The following CHST8 variants were observed in gnomAD, a reference collection of about 807,000 sequenced individuals.
CHST8 encodes GALNAC-4-ST1.
In CHST8, 10 loss-of-function variants were observed where a neutral mutation model predicts 15.0. The observed-to-expected ratio is 0.67, with a 90% confidence interval of 0.41 to 1.13. The LOEUF is 1.13. Ranked by LOEUF, CHST8 falls within the 50% of genes most tolerant of loss-of-function variation. The pLI, the probability that CHST8 is intolerant of heterozygous loss-of-function variation, is 0.00. For synonymous variants in CHST8, 259 were observed against 256.6 expected (o/e 1.01, Z -0.09); for missense variants, 634 against 608.2 (o/e 1.04, Z -0.45).
intron 3 of CHST8, among the ~76,000 whole-genome samples, chr19:33,706,393 A>G (rs2145286639): frequency 6.6e-6 from 1 of 152,264 alleles, no homozygotes; most frequent in East Asian, 1.9e-4. Flanking sequence ...CTAGCTGTGT[A>G]CAAGTATGTG....
At chr19:33,765,092 T>C (rs1974807677) in intron 3 of CHST8, among the ~76,000 whole-genome samples, 1 of 107,522 alleles carries the variant, frequency 9.3e-6, no homozygotes, top group Admixed American at 9.2e-5. Flanking sequence ...CTTTATCCAC[T>C]CGTTGATTGA....
intron 3 of CHST8, among the ~76,000 whole-genome samples, chr19:33,766,007 G>A (rs1239151104): frequency 6.6e-6 from 1 of 151,994 alleles, no homozygotes; most frequent in Non-Finnish European, 1.5e-5. Flanking sequence ...AGGGAGTCTC[G>A]GACCTCCTTC....
chr19:33,754,818 T>C (rs1229441887), intron 3 of CHST8, among the ~76,000 whole-genome samples: 1 of 152,212 alleles, frequency 6.6e-6, no homozygotes, highest in Non-Finnish European at 1.5e-5. Context: ...GCAAATCTGT[T>C]GTGGATGTGA....
intron 2 of CHST8, among the ~76,000 whole-genome samples, chr19:33,669,459 T>A (rs754458478): frequency 3.9e-5 from 6 of 152,192 alleles, no homozygotes; most frequent in African/African-American, 7.2e-5. Flanking sequence ...CCTTAAATAA[T>A]GTTGGATCAA....
At position 33,682,092 on chromosome 19, in the gene CHST8, T is replaced by A. The variant is rs193000320; in HGVS notation, c.-86-7084T>A. Among the ~76,000 whole-genome samples the A allele has an allele frequency of 5.7e-4, 86 of 151,772 alleles. No homozygotes were observed. The South Asian group carries it at 0.01, about 18-fold the overall frequency. On this transcript the variant is annotated intron_variant, in intron 2 of 4. Transcript: ENST00000650847. ...CTTGTCTTGAACTCCTGACCTCAGG[T>A]GATCCACCCGCCTTGGCCTCCCAAA...
At position 33,632,747 on chromosome 19, in the gene CHST8, TTGTGTG is replaced by T. The variant is rs10589446; in HGVS notation, c.-164+10471_-164+10476del. On this transcript the variant is annotated intron_variant, in intron 1 of 4. Transcript: ENST00000650847. ...TTCTAACGATATGGATTGGTTTTCCTTGTGTGTGTGTGTGTGTGTGTGTGTATGTGT... is the reference window on the plus strand; with the variant it reads ...TTCTAACGATATGGATTGGTTTTCCTTGTGTGTGTGTGTGTGTGTATGTGT... Among the ~76,000 whole-genome samples the T allele has an allele frequency of 5.8e-4, 87 of 149,694 alleles. 1 individual carries two copies. The highest frequency in any genetic ancestry group is 3.4e-3 in the Middle Eastern group (1 of 294).
In CHST8 at chr19:33,645,218, C is replaced by T. The variant is rs1222926889; in HGVS notation, c.-163-22549C>T. On this transcript the variant is annotated intron_variant, in intron 1 of 4. Transcript: ENST00000650847. ...AAGTCAGGAGTTGGGGGACAGGGCC[C>T]GCTGGAGATGAGGCCGTGTGGGGGC... is the stretch of plus-strand genomic sequence containing the variant. Among the ~76,000 whole-genome samples, 6 of 152,022 alleles carry T rather than the reference C, an allele frequency of 3.9e-5. 1 individual carries two copies. The highest frequency in any genetic ancestry group is 4.1e-4 in the South Asian group (2 of 4,824).
At chr19:33,686,861 A>C (rs531072378) in intron 2 of CHST8, among the ~76,000 whole-genome samples, 1 of 152,274 alleles carries the variant, frequency 6.6e-6, no homozygotes, top group South Asian at 2.1e-4. Context: ...ATGTATGCAT[A>C]TGTGTGTTAT....
At chr19:33,643,691 C>A (rs1972313496) in intron 1 of CHST8, among the ~76,000 whole-genome samples, 1 of 152,174 alleles carries the variant, frequency 6.6e-6, no homozygotes, top group Non-Finnish European at 1.5e-5. Flanking sequence ...GTCCCAGCAC[C>A]CACGATTTTA....
At chr19:33,716,249 G>A (rs953446928) in intron 3 of CHST8, among the ~76,000 whole-genome samples, 10 of 152,078 alleles carry the variant, frequency 6.6e-5, no homozygotes, top group Admixed American at 2.0e-4. Context: ...TGTTTCCTCT[G>A]ATGTCATCTT....
chr19:33,724,545 C>A (rs1340432021), intron 3 of CHST8, among the ~76,000 whole-genome samples: 1 of 152,236 alleles, frequency 6.6e-6, no homozygotes, highest in Non-Finnish European at 1.5e-5. Context: ...TGTGCGTCTG[C>A]AGCCTGGAGG....
At chr19:33,710,030 G>C (rs1973518475) in intron 3 of CHST8, among the ~76,000 whole-genome samples, 1 of 152,048 alleles carries the variant, frequency 6.6e-6, no homozygotes, top group Non-Finnish European at 1.5e-5. Context: ...TTCTATTCAG[G>C]TTTTCTATTT....
At chr19:33,659,688 A>C (rs926071123) in intron 1 of CHST8, among the ~76,000 whole-genome samples, 2 of 152,034 alleles carry the variant, frequency 1.3e-5, no homozygotes, top group Non-Finnish European at 2.9e-5. Context: ...CTTGTGCCTG[A>C]AATCCCAGCT....
intron 3 of CHST8, among the ~76,000 whole-genome samples, chr19:33,751,790 T>C (rs1974426504): frequency 6.6e-6 from 1 of 152,190 alleles, no homozygotes; most frequent in South Asian, 2.1e-4. Context: ...CAAACAGGGA[T>C]AGTAAAACCT....
At chr19:33,683,299 C>A (rs1030235186) in intron 2 of CHST8, among the ~76,000 whole-genome samples, 1 of 152,190 alleles carries the variant, frequency 6.6e-6, no homozygotes, top group African/African-American at 2.4e-5. Flanking sequence ...GTAAACATTG[C>A]ACCTGTTAAT....
chr19:33,708,603 A>G (rs1167495838), intron 3 of CHST8, among the ~76,000 whole-genome samples: 1 of 152,234 alleles, frequency 6.6e-6, no homozygotes, highest in Non-Finnish European at 1.5e-5. Flanking sequence ...TCTTTTGCCA[A>G]TAGTGCAGTG....
intron 3 of CHST8, among the ~76,000 whole-genome samples, chr19:33,757,536 GAAAGAAAGAAAGAAAGAA>G (rs1974616480): frequency 1.5e-5 from 1 of 68,390 alleles, no homozygotes. Flanking sequence ...AAGAAAGAAA[GAAAGAAAGAAAGAAAGAA>G]AGAAAGAAAG....
At chr19:33,737,827 AT>A (rs1330552358) in intron 3 of CHST8, among the ~76,000 whole-genome samples, 1 of 152,014 alleles carries the variant, frequency 6.6e-6, no homozygotes, top group Middle Eastern at 3.2e-3. Context: ...CTCCAAGCCC[AT>A]TCCCTCTGCA....
intron 3 of CHST8, among the ~76,000 whole-genome samples, chr19:33,745,446 A>G (rs141191425): frequency 6.6e-6 from 1 of 152,106 alleles, no homozygotes; most frequent in East Asian, 1.9e-4. Flanking sequence ...TCCACCTACC[A>G]CCAATGCTGG....
Sources: allele counts gnomAD v4.1 joint callset (sites outside exome capture counted in the v4.1 genomes callset), GRCh38; gene constraint gnomAD v4.1.1; transcripts MANE v1.5; gene names NCBI Gene and HGNC (gene_info 2026-07-23, HGNC 2026-07-21).